The following LINGO2 variants were observed in gnomAD, a reference collection of about 807,000 sequenced individuals.
LINGO2 encodes leucine-rich repeat and immunoglobulin-like domain-containing nogo receptor-interacting protein 2.
In LINGO2, 14 loss-of-function variants were observed where a neutral mutation model predicts 30.6. The ratio of observed to expected loss-of-function variants is 0.46; its 90% CI spans 0.30 to 0.72. The LOEUF (loss-of-function observed/expected upper bound fraction) is 0.72, where lower values mean the gene tolerates loss of function less well. Among genes scored for constraint, LINGO2 ranks in the 30% least tolerant of loss-of-function variants. The probability of loss-of-function intolerance (pLI) is 0.07; values close to 1 mark genes in which losing one functional copy is unlikely to be tolerated. For synonymous variants in LINGO2, 317 were observed against 288.5 expected (o/e 1.10, Z -1.00); for missense variants, 729 against 751.7 (o/e 0.97, Z 0.35).
At chr9:29,085,406 G>A in the LINGO2 span, among the ~76,000 whole-genome samples, 3 of 148,046 alleles carry the variant, frequency 2.0e-5, no homozygotes, top group South Asian at 6.5e-4. Flanking sequence ...CAGCTAATTG[G>A]TTACTATGTA....
the LINGO2 span, among the ~76,000 whole-genome samples, chr9:29,094,633 C>A: frequency 1.4e-5 from 2 of 138,614 alleles, 1 homozygote; most frequent in Non-Finnish European, 3.1e-5. Flanking sequence ...TTGAGATGTG[C>A]TGTAAGTGTA....
chr9:29,104,995 T>G, the LINGO2 span, among the ~76,000 whole-genome samples: 1 of 152,190 alleles, frequency 6.6e-6, no homozygotes, highest in African/African-American at 2.4e-5. Context: ...CGCAATGGGT[T>G]CTCTTTAGTC....
intron 4 of LINGO2, among the ~76,000 whole-genome samples, chr9:28,277,850 C>CAAAAAAAAAAAAAAAAAACA (rs35288673): frequency 2.2e-5 from 3 of 135,970 alleles, no homozygotes; most frequent in African/African-American, 8.6e-5. Flanking sequence ...AAAAAAAAAA[C>CAAAAAAAAAAAAAAAAAACA]AAAAAAAAAA....
At chr9:29,158,177 C>T in the LINGO2 span, among the ~76,000 whole-genome samples, 1 of 144,674 alleles carries the variant, frequency 6.9e-6, no homozygotes, top group East Asian at 2.0e-4. Flanking sequence ...CCTGACACTA[C>T]ACAAAGTAAA....
chr9:27,977,613 G>A (rs933614580), intron 5 of LINGO2, among the ~76,000 whole-genome samples: 3 of 151,848 alleles, frequency 2.0e-5, no homozygotes, highest in African/African-American at 7.3e-5. Context: ...AAAGGAGTGT[G>A]AGCATACTAA....
chr9:28,915,129 TCAAA>T, the LINGO2 span, among the ~76,000 whole-genome samples: 3 of 152,102 alleles, frequency 2.0e-5, no homozygotes, highest in South Asian at 2.1e-4. Context: ...AGACTCTGTC[TCAAA>T]CAAACAAACA....
chr9:28,955,343 T>C, the LINGO2 span, among the ~76,000 whole-genome samples: 1 of 152,156 alleles, frequency 6.6e-6, no homozygotes, highest in African/African-American at 2.4e-5. Context: ...GACATAGTTT[T>C]CAAGTAGTCA....
At chr9:28,349,203 G>A (rs1370238139) in intron 3 of LINGO2, among the ~76,000 whole-genome samples, 1 of 152,108 alleles carries the variant, frequency 6.6e-6, no homozygotes, top group Non-Finnish European at 1.5e-5. Flanking sequence ...ATTATTCTGA[G>A]CTACGGGAGG....
chr9:28,309,741 A>G (rs1236121395), intron 3 of LINGO2, among the ~76,000 whole-genome samples: 1 of 152,008 alleles, frequency 6.6e-6, no homozygotes, highest in African/African-American at 2.4e-5. Flanking sequence ...AAAGCCACAA[A>G]CCAGGGGAAA....
chr9:28,279,552 G>T (rs1256550016), intron 4 of LINGO2, among the ~76,000 whole-genome samples: 2 of 152,074 alleles, frequency 1.3e-5, no homozygotes, highest in Non-Finnish European at 2.9e-5. Context: ...TCACATGAAG[G>T]TTAGCATTCT....
the LINGO2 span, among the ~76,000 whole-genome samples, chr9:28,802,151 T>A: frequency 1.2e-4 from 18 of 152,022 alleles, no homozygotes; most frequent in Non-Finnish European, 2.1e-4. Context: ...CCTTCTAGAA[T>A]ATAAATTCAA....
At chr9:28,406,333 G>C (rs1420006329) in intron 2 of LINGO2, among the ~76,000 whole-genome samples, 1 of 22,246 alleles carries the variant, frequency 4.5e-5, no homozygotes, top group East Asian at 0.17. Context: ...CTACTTGGGA[G>C]GCTGAGGCAG....
At chr9:28,556,673 G>T (rs1324101831) in intron 1 of LINGO2, among the ~76,000 whole-genome samples, 1 of 151,898 alleles carries the variant, frequency 6.6e-6, no homozygotes, top group East Asian at 1.9e-4. Context: ...AACCAAAAAA[G>T]AGCCCGCATC....
At chr9:28,366,296 T>C (rs892750715) in intron 3 of LINGO2, among the ~76,000 whole-genome samples, 2 of 152,200 alleles carry the variant, frequency 1.3e-5, no homozygotes, top group African/African-American at 4.8e-5. Flanking sequence ...CTATATTGTA[T>C]TTCATCCCTC....
chr9:28,214,630 A>C (rs1820702711), intron 4 of LINGO2, among the ~76,000 whole-genome samples: 1 of 151,608 alleles, frequency 6.6e-6, no homozygotes, highest in South Asian at 2.1e-4. Context: ...ACAGAGGTAT[A>C]GCTCTATAAT....
chr9:28,664,844 T>TACTTTTAACTGAG (rs1362704996), intron 1 of LINGO2, among the ~76,000 whole-genome samples: 2 of 151,820 alleles, frequency 1.3e-5, no homozygotes, highest in African/African-American at 4.8e-5. Flanking sequence ...CTTCAAGCTC[T>TACTTTTAACTGAG]CACCTTGCTT....
At chr9:28,182,847 A>G (rs1819403647) in intron 4 of LINGO2, among the ~76,000 whole-genome samples, 1 of 152,224 alleles carries the variant, frequency 6.6e-6, no homozygotes, top group Non-Finnish European at 1.5e-5. Context: ...GAACACTTTT[A>G]CACTGTTGGT....
At chr9:28,355,423 A>G (rs1820159971) in intron 3 of LINGO2, among the ~76,000 whole-genome samples, 1 of 141,440 alleles carries the variant, frequency 7.1e-6, no homozygotes, top group South Asian at 2.3e-4. Flanking sequence ...ATTGCCTTGG[A>G]AAAGTTTTTT....
At chr9:28,774,705 C>G in the LINGO2 span, among the ~76,000 whole-genome samples, 1 of 152,038 alleles carries the variant, frequency 6.6e-6, no homozygotes, top group African/African-American at 2.4e-5. Context: ...AATTTACAAT[C>G]CAATATGTAG....
Sources: allele counts gnomAD v4.1 joint callset (sites outside exome capture counted in the v4.1 genomes callset), GRCh38; gene constraint gnomAD v4.1.1; transcripts MANE v1.5; gene names NCBI Gene and HGNC (gene_info 2026-07-23, HGNC 2026-07-21).